The following COL9A3 variants were observed in gnomAD, a reference collection of about 807,000 sequenced individuals.
COL9A3 encodes the protein collagen alpha-3(IX) chain.
A neutral mutation model predicts 110.2 loss-of-function variants in COL9A3; 82 were observed. The ratio of observed to expected loss-of-function variants is 0.74; its 90% CI spans 0.62 to 0.89. The LOEUF (loss-of-function observed/expected upper bound fraction) is 0.89. Among genes scored for constraint, COL9A3 ranks in the 40% least tolerant of loss-of-function variants. The pLI is 0.00. For missense variants in COL9A3, 1,066 were observed against 981.3 expected (o/e 1.09, Z -1.15); for synonymous variants, 494 against 403.8 (o/e 1.22, Z -2.68).
At position 62,819,224 on chromosome 20, in the gene COL9A3, A is replaced by G; in HGVS notation, c.186A>G (p.Gly62=). 6.2e-7 allele frequency: 1 copy of G among 1,612,600 alleles called. No individual in the cohort carries two copies. Among genetic ancestry groups the G allele is most frequent in the Non-Finnish European group, 8.5e-7 (1 of 1,179,932 alleles). ...AGPPGLPGPP[G]PKGAPGKPGK... Reference sequence around the variant, plus strand: ...CTCTGCCCTTTCCTCCTGCACAGGGACCAAAGGGGGCCCCAGGAAAGCCGG... The same window carrying G: ...CTCTGCCCTTTCCTCCTGCACAGGGGCCAAAGGGGGCCCCAGGAAAGCCGG... Residue 62 remains glycine, a splice_region_variant and synonymous_variant, in exon 4 of 32, where the codon GGA becomes GGG. Coordinates refer to ENST00000649368, the MANE Select transcript of COL9A3 (RefSeq NM_001853.4).
chr20:62,824,733 G>A (rs1386445339), intron 11 of COL9A3, among the ~76,000 whole-genome samples: 1 of 152,208 alleles, frequency 6.6e-6, no homozygotes, highest in East Asian at 1.9e-4. Flanking sequence ...GGGAGAGCTA[G>A]CCTCAAGCTC....
intron 24 of COL9A3, 108 bp from the exon 25 acceptor site, chr20:62,832,046 A>C: frequency 9.0e-7 from 1 of 1,117,080 alleles, no homozygotes; most frequent in Non-Finnish European, 1.4e-6. Context: ...CCCTTTGTGC[A>C]GCACAGATGG....
chr20:62,818,876 AG>A (rs1991024310), intron 3 of COL9A3, among the ~76,000 whole-genome samples: 1 of 152,138 alleles, frequency 6.6e-6, no homozygotes, highest in Admixed American at 6.5e-5. Context: ...CTTCAGTTCC[AG>A]GGGTTGAGGG....
chr20:62,831,283 C>A (rs2063595375), intron 24 of COL9A3: 1 of 152,312 alleles, frequency 6.6e-6, no homozygotes, highest in African/African-American at 2.4e-5. Flanking sequence ...CTACCCAGGG[C>A]CCCAGCTCAC....
Position 62,818,563 on chromosome 20 carries a change from CCT to C in COL9A3, c.183+11_183+12del. 1.2e-6 allele frequency: 2 copies of C among 1,612,502 alleles called. No individual in the cohort carries two copies. Among genetic ancestry groups the C allele is most frequent in the Non-Finnish European group, 1.7e-6 (2 of 1,179,542 alleles). ...TCTGCCTGGGCCCCCGGTGAGTGTC[CCT>C]GGCTGGGGAGACAGCCTTTTTCCAG... is the stretch of plus-strand genomic sequence containing the variant. On this transcript the variant is annotated intron_variant, in intron 3 of 31. Coordinates refer to ENST00000649368, the MANE Select transcript of COL9A3 (RefSeq NM_001853.4).
intron 7 of COL9A3, 48 bp from the exon 8 acceptor site, chr20:62,821,709 C>T (rs376543989): frequency 8.6e-5 from 136 of 1,572,490 alleles, no homozygotes; most frequent in African/African-American, 6.1e-4. Flanking sequence ...TGGGGATCCT[C>T]GGGGCTTCCG....
At chr20:62,817,759 CAG>C (rs1990982381) in intron 2 of COL9A3, 124 bp downstream of exon 2, 1 of 692,052 alleles carries the variant, frequency 1.4e-6, no homozygotes, top group South Asian at 1.8e-5. Context: ...GGGGTGACAT[CAG>C]GGGACAGCCA....
chr20:62,830,357 C>G lies in COL9A3; in HGVS notation c.1162-3C>G, dbSNP rs200601821. On this transcript the variant is annotated splice_region_variant and splice_polypyrimidine_tract_variant and intron_variant, in intron 22 of 31. Coordinates refer to ENST00000649368, the MANE Select transcript of COL9A3 (RefSeq NM_001853.4). ...CCGCTCACACCTCACCTTTGTCTTC[C>G]AGGGGGCCCTCGGCCCACAAGGCCC... 5 of 1,570,540 alleles carry G rather than the reference C, an allele frequency of 3.2e-6. No homozygotes were observed. The highest frequency in any genetic ancestry group is 3.7e-5 in the Admixed American group (2 of 54,038).
In COL9A3 at chr20:62,837,195, T is replaced by C. The variant is rs2063643580; in HGVS notation, c.1716T>C (p.Gly572=). The stretch of plus-strand genomic sequence containing the variant: ...CCCCAGGACCCCCAGGCTCCATTGG[T>C]CACCCTGGCGCTCGAGGACCCCCTG... ...PGPPGPPGSI[G]HPGARGPPGY... Residue 572 remains glycine (G), a synonymous_variant, in exon 30 of 32, where the codon GGT becomes GGC. Transcript: ENST00000649368. 2.5e-6 allele frequency: 4 copies of C among 1,612,338 alleles called. No individual in the cohort carries two copies. The Middle Eastern group carries it at 4.9e-4, about 199-fold the overall frequency.
Position 62,825,829 on chromosome 20 carries a change from C to G in COL9A3, c.643C>G (p.Pro215Ala). The change falls in exon 13 of 32, where the codon CCC (proline) becomes GCC (alanine). Residue 215 changes from proline to alanine, a missense_variant. Physicochemically the swap from Pro to Ala is conservative, Grantham distance 27. Transcript: ENST00000649368. The part of the protein sequence containing the change: ...GKDGEKGDPG[P>A]PGPAGLPGSV... ...CCCTCTGTTTCAGGGTGACCCTGGC[C>G]CCCCTGGGCCCGCCGGCCTCCCGGG... The G allele has an allele frequency of 6.4e-7, 1 of 1,554,916 alleles. No homozygotes were observed. The highest frequency in any genetic ancestry group is 8.7e-7 in the Non-Finnish European group (1 of 1,149,092).
At chr20:62,838,848 A>G (rs1426164346) in intron 31 of COL9A3, 87 bp downstream of exon 31, 4 of 1,071,538 alleles carry the variant, frequency 3.7e-6, no homozygotes, top group Non-Finnish European at 4.2e-6. Flanking sequence ...TGGGTTATGA[A>G]TGGGTCTCTT....
chr20:62,818,185 C>T (rs1385022453), intron 2 of COL9A3, among the ~76,000 whole-genome samples: 2 of 152,184 alleles, frequency 1.3e-5, no homozygotes. Context: ...GCAGGAGTCC[C>T]CTCAGGGCCT....
intron 19 of COL9A3, 72 bp downstream of exon 19, chr20:62,829,048 G>A: frequency 6.6e-7 from 1 of 1,505,870 alleles, no homozygotes; most frequent in South Asian, 1.2e-5. Context: ...ATGTTGGGCT[G>A]GGTGGGTTGG....
intron 30 of COL9A3, 115 bp downstream of exon 30, chr20:62,837,380 CGT>C (rs1568766028): frequency 9.0e-7 from 1 of 1,111,440 alleles, no homozygotes; most frequent in African/African-American, 1.6e-5. Flanking sequence ...ACCCCTGGAA[CGT>C]GGGGGCCTCT....
At chr20:62,825,969 G>T (rs2063549148) in intron 13 of COL9A3, 99 bp downstream of exon 13, 1 of 1,370,390 alleles carries the variant, frequency 7.3e-7, no homozygotes, top group Non-Finnish European at 1.0e-6. Flanking sequence ...AGCTCCGGCT[G>T]GGGGGTGTTT....
At chr20:62,817,841 G>A (rs977467882) in intron 2 of COL9A3, 16 of 678,568 alleles carry the variant, frequency 2.4e-5, no homozygotes, top group Non-Finnish European at 3.9e-5. Flanking sequence ...GTCATGTGGT[G>A]GTCCTCCACC....
At chr20:62,835,709 A>C (rs1178643065) in intron 26 of COL9A3, among the ~76,000 whole-genome samples, 1 of 152,228 alleles carries the variant, frequency 6.6e-6, no homozygotes, top group Non-Finnish European at 1.5e-5. Flanking sequence ...CACTCTTCCC[A>C]GGAAAGTAAG....
In COL9A3 at chr20:62,838,556, C is replaced by T; in HGVS notation, c.1787-128C>T. ...AAGCCCTACGCGTGTGACATCTGTA[C>T]TTTTCTAAATGTTTCCACTTCAGTG... On this transcript the variant is annotated intron_variant, in intron 30 of 31. Coordinates refer to ENST00000649368, the MANE Select transcript of COL9A3 (RefSeq NM_001853.4). 5 of 897,890 alleles carry T rather than the reference C, an allele frequency of 5.6e-6. No individual in the cohort carries two copies. The South Asian group carries it at 7.1e-5, about 13-fold the overall frequency. 55.6% of individuals were successfully genotyped at this position (897,890 alleles called of 1,614,324 possible). A position where few individuals can be genotyped will look rare whatever the true frequency, so the allele number is the denominator to read the frequency against.
Position 62,818,500 on chromosome 20 carries a change from G to T in COL9A3, c.148-18G>T. ...ACCCCTGATTTTCAGGGTTACATGT[G>T]GGTGTCTTTCCTCACAGGGAGAAGC... On this transcript the variant is annotated intron_variant, in intron 2 of 31. Transcript: ENST00000649368. 2 of 1,612,552 alleles carry T rather than the reference G, an allele frequency of 1.2e-6. No homozygotes were observed. The highest frequency in any genetic ancestry group is 8.5e-7 in the Non-Finnish European group (1 of 1,179,562).
Sources: allele counts gnomAD v4.1 joint callset (sites outside exome capture counted in the v4.1 genomes callset), GRCh38; gene constraint gnomAD v4.1.1; transcripts MANE v1.5; gene names NCBI Gene and HGNC (gene_info 2026-07-23, HGNC 2026-07-21).